The following OR7C2 variants were observed in gnomAD, a reference collection of about 807,000 sequenced individuals.
OR7C2 encodes olfactory receptor 7C2.
For synonymous variants in OR7C2, 160 were observed against 157.7 expected, an observed-to-expected ratio of 1.01 and a Z score of -0.11; for missense variants, 374 against 387.4, an observed-to-expected ratio of 0.97 and a Z score of 0.29.
chr19:14,941,791 AT>A lies in OR7C2; in HGVS notation c.311del (p.Phe104SerfsTer12), dbSNP rs1392370943. 4.3e-6 allele frequency: 7 copies of A among 1,613,640 alleles called. No homozygotes were observed. The highest frequency in any genetic ancestry group is 2.2e-5 in the East Asian group (1 of 44,882). ...ITFAGCLTQI[F>X]FFIAFGCLDN... The stretch of plus-strand genomic sequence containing the variant: ...CTTTTGCAGGCTGCCTCACTCAGAT[AT>A]TTTTTTTCATTGCATTTGGATGCCT... On this transcript the variant is annotated frameshift_variant, in exon 1 of 1. Coordinates refer to ENST00000248072, the MANE Select transcript of OR7C2 (RefSeq NM_012377.1). LOFTEE classifies it low-confidence loss of function (END_TRUNC).
Position 14,942,213 on chromosome 19 carries a change from C to A in OR7C2, c.725C>A (p.Ser242Tyr). 6.2e-7 allele frequency: 1 copy of A among 1,614,082 alleles called. No individual in the cohort carries two copies. The highest frequency in any genetic ancestry group is 8.5e-7 in the Non-Finnish European group (1 of 1,180,014). Reference protein sequence around the residue: ...GQHKAFSTCGSHLSVVSLFYG... With the variant: ...GQHKAFSTCGYHLSVVSLFYG... ...CACAAAGCCTTTTCCACCTGTGGTT[C>A]CCACCTCTCAGTGGTCAGCTTGTTC... Residue 242 changes from serine to tyrosine, a missense_variant, in exon 1 of 1, where the codon TCC becomes TAC. By Grantham distance (144) the Ser-to-Tyr change is moderately radical. Transcript: ENST00000248072.
In OR7C2 at chr19:14,941,790, T is replaced by C; in HGVS notation, c.302T>C (p.Ile101Thr). ...ACTTTTGCAGGCTGCCTCACTCAGA[T>C]ATTTTTTTTCATTGCATTTGGATGC... ...MITFAGCLTQ[I>T]FFFIAFGCLD... The change falls in exon 1 of 1, where the codon ATA (isoleucine) becomes ACA (threonine). Residue 101 changes from isoleucine to threonine, a missense_variant. Transcript: ENST00000248072. The C allele has an allele frequency of 2.5e-6, 4 of 1,614,154 alleles. No homozygotes were observed. The highest frequency in any genetic ancestry group is 3.4e-6 in the Non-Finnish European group (4 of 1,180,032).
rs1599966219 is a variant in OR7C2 at position 14,942,241 on chromosome 19, T to C, written c.753T>C (p.Tyr251=). ...GSHLSVVSLF[Y]GTGLGVYLSS... Reference sequence around the variant, plus strand: ...ACCTCTCAGTGGTCAGCTTGTTCTATGGCACTGGCCTTGGGGTCTATCTCA... The same window carrying C: ...ACCTCTCAGTGGTCAGCTTGTTCTACGGCACTGGCCTTGGGGTCTATCTCA... Residue 251 remains tyrosine (Y), a synonymous_variant, in exon 1 of 1, where the codon TAT becomes TAC. Transcript: ENST00000248072. 1 of 1,614,182 alleles carries C rather than the reference T, an allele frequency of 6.2e-7. No individual in the cohort carries two copies.
At position 14,941,763 on chromosome 19, in the gene OR7C2, T is replaced by A; in HGVS notation, c.275T>A (p.Ile92Asn). 6.2e-7 allele frequency: 1 copy of A among 1,614,172 alleles called. No homozygotes were observed. Among genetic ancestry groups the A allele is most frequent in the Non-Finnish European group, 8.5e-7 (1 of 1,180,030 alleles). Residue 92 changes from isoleucine to asparagine, a missense_variant, in exon 1 of 1, where the codon ATC (isoleucine) becomes AAC (asparagine). Physicochemically the swap from Ile to Asn is moderately radical, Grantham distance 149. Coordinates refer to ENST00000248072, the MANE Select transcript of OR7C2 (RefSeq NM_012377.1). ...AATATCCAAACACAAAGCAAAATGA[T>A]CACTTTTGCAGGCTGCCTCACTCAG... ...LVNIQTQSKM[I>N]TFAGCLTQIF... is the part of the protein sequence containing the mutation.
Position 14,941,780 on chromosome 19 carries a change from C to G in OR7C2, c.292C>G (p.Leu98Val), listed in dbSNP as rs777544313. Residue 98 changes from leucine (L) to valine (V), a missense_variant, in exon 1 of 1, where the codon CTC becomes GTC. Physicochemically the swap from Leu to Val is conservative, Grantham distance 32. Coordinates refer to ENST00000248072, the MANE Select transcript of OR7C2 (RefSeq NM_012377.1). ...QSKMITFAGC[L>V]TQIFFFIAFG... ...CAAAATGATCACTTTTGCAGGCTGC[C>G]TCACTCAGATATTTTTTTTCATTGC... 6.2e-7 allele frequency: 1 copy of G among 1,614,128 alleles called. No individual in the cohort carries two copies. Among genetic ancestry groups the G allele is most frequent in the South Asian group, 1.1e-5 (1 of 91,080 alleles).
Position 14,941,919 on chromosome 19 carries a change from T to C in OR7C2, c.431T>C (p.Leu144Pro). The change falls in exon 1 of 1, where the codon CTG becomes CCG. Residue 144 changes from leucine (L) to proline (P), a missense_variant. Coordinates refer to ENST00000248072, the MANE Select transcript of OR7C2 (RefSeq NM_012377.1). ...VIMNPRLCGL[L>P]VLGSWCISVM... ...ATGAACCCCCGGCTCTGTGGACTGCTGGTTCTGGGGTCCTGGTGCATCAGT... is the reference window on the plus strand; with the variant it reads ...ATGAACCCCCGGCTCTGTGGACTGCCGGTTCTGGGGTCCTGGTGCATCAGT... The C allele has an allele frequency of 1.9e-6, 3 of 1,614,188 alleles. No homozygotes were observed. Among genetic ancestry groups the C allele is most frequent in the Non-Finnish European group, 2.5e-6 (3 of 1,180,040 alleles).
Position 14,941,524 on chromosome 19 carries a change from T to G in OR7C2, c.36T>G (p.Phe12Leu), listed in dbSNP as rs373171699. 1.3e-6 allele frequency: 2 copies of G among 1,585,924 alleles called. No individual in the cohort carries two copies. The highest frequency in any genetic ancestry group is 2.7e-5 in the African/African-American group (2 of 74,242). ...ERGNQTEVGN[F>L]LLLGFAEDSD... ...GAAACCAAACAGAAGTTGGAAACTTTCTCCTCCTGGGATTCGCAGAGGACT... is the reference window on the plus strand; with the variant it reads ...GAAACCAAACAGAAGTTGGAAACTTGCTCCTCCTGGGATTCGCAGAGGACT... The change falls in exon 1 of 1, where the codon TTT becomes TTG. Residue 12 changes from phenylalanine (F) to leucine (L), a missense_variant. Coordinates refer to ENST00000248072, the MANE Select transcript of OR7C2 (RefSeq NM_012377.1).
chr19:14,941,886 C>T lies in OR7C2; in HGVS notation c.398C>T (p.Thr133Met), dbSNP rs146710554. 2.0e-5 allele frequency: 33 copies of T among 1,614,030 alleles called. No homozygotes were observed. The highest frequency in any genetic ancestry group is 1.2e-4 in the African/African-American group (9 of 74,904). ...FVAICYPLHY[T>M]VIMNPRLCGL... Reference sequence around the variant, plus strand: ...GCCATCTGTTACCCCCTGCACTACACGGTCATCATGAACCCCCGGCTCTGT... The same window carrying T: ...GCCATCTGTTACCCCCTGCACTACATGGTCATCATGAACCCCCGGCTCTGT... Residue 133 changes from threonine to methionine, a missense_variant, in exon 1 of 1, where the codon ACG becomes ATG. Physicochemically the swap from Thr to Met is moderately conservative, Grantham distance 81 (BLOSUM62 -1). Transcript: ENST00000248072.
Position 14,942,126 on chromosome 19 carries a change from G to C in OR7C2, c.638G>C (p.Gly213Ala). Residue 213 changes from glycine to alanine, a missense_variant, in exon 1 of 1, where the codon GGA (glycine) becomes GCA (alanine). Gly to Ala is a moderately conservative substitution (Grantham distance 60). Coordinates refer to ENST00000248072, the MANE Select transcript of OR7C2 (RefSeq NM_012377.1). ...TIVLGVFPLC[G>A]ILFSYSQIFS... ...GTCCTGGGTGTTTTTCCTCTCTGTG[G>C]AATCCTATTCTCTTATTCTCAGATT... 6.2e-7 allele frequency: 1 copy of C among 1,612,958 alleles called. No homozygotes were observed. The highest frequency in any genetic ancestry group is 8.5e-7 in the Non-Finnish European group (1 of 1,179,892).
chr19:14,941,594 C>G lies in OR7C2; in HGVS notation c.106C>G (p.Leu36Val). Reference sequence around the variant, plus strand: ...CCATGGGCTGTTCCTCTCCATGTACCTGGTTACCATCATCGGAAACCTGCT... The same window carrying G: ...CCATGGGCTGTTCCTCTCCATGTACGTGGTTACCATCATCGGAAACCTGCT... ...LLHGLFLSMY[L>V]VTIIGNLLII... The change falls in exon 1 of 1, where the codon CTG becomes GTG. Residue 36 changes from leucine (L) to valine (V), a missense_variant. Physicochemically the swap from Leu to Val is conservative, Grantham distance 32. Coordinates refer to ENST00000248072, the MANE Select transcript of OR7C2 (RefSeq NM_012377.1). The G allele has an allele frequency of 6.2e-7, 1 of 1,614,090 alleles. No homozygotes were observed. The highest frequency in any genetic ancestry group is 8.5e-7 in the Non-Finnish European group (1 of 1,180,018).
At position 14,942,430 on chromosome 19, in the gene OR7C2, C is replaced by A. The variant is rs923686563; in HGVS notation, c.942C>A (p.Thr314=). The A allele has an allele frequency of 5.0e-6, 8 of 1,611,306 alleles. No homozygotes were observed. The highest frequency in any genetic ancestry group is 5.1e-6 in the Non-Finnish European group (6 of 1,178,712). The part of the protein sequence containing the change: ...LLRATSLKEG[T]IAKLS ...GGGCAACGTCTCTCAAAGAGGGGAC[C>A]ATTGCTAAGCTCTCATGAATTGCAG... Residue 314 remains threonine (T), a synonymous_variant, in exon 1 of 1, where the codon ACC becomes ACA. Transcript: ENST00000248072.
Position 14,942,030 on chromosome 19 carries a change from C to A in OR7C2, c.542C>A (p.Pro181His). The change falls in exon 1 of 1, where the codon CCT becomes CAT. Residue 181 changes from proline (P) to histidine (H), a missense_variant. Transcript: ENST00000248072. ...GAAATTCCGCACTTTTTTTGTGATC[C>A]TTCCGAAGTCCTGAAGCTGGCCTGT... Reference protein sequence around the residue: ...NMEIPHFFCDPSEVLKLACSD... With the variant: ...NMEIPHFFCDHSEVLKLACSD... 1 of 1,614,114 alleles carries A rather than the reference C, an allele frequency of 6.2e-7. No individual in the cohort carries two copies. The highest frequency in any genetic ancestry group is 1.3e-5 in the African/African-American group (1 of 75,030).
Position 14,941,507 on chromosome 19 carries a change from A to G in OR7C2, c.19A>G (p.Thr7Ala), listed in dbSNP as rs372565547. Reference sequence around the variant, plus strand: ...CGGCCCCATGGAAAGAGGAAACCAAACAGAAGTTGGAAACTTTCTCCTCCT... The same window carrying G: ...CGGCCCCATGGAAAGAGGAAACCAAGCAGAAGTTGGAAACTTTCTCCTCCT... MERGNQ[T>A]EVGNFLLLGF... Residue 7 changes from threonine (T) to alanine (A), a missense_variant, in exon 1 of 1, where the codon ACA becomes GCA. Thr to Ala is a moderately conservative substitution (Grantham distance 58). Transcript: ENST00000248072. 10 of 1,572,146 alleles carry G rather than the reference A, an allele frequency of 6.4e-6. No homozygotes were observed. In the African/African-American group the frequency reaches 1.4e-4, roughly 21 times the overall value.
Position 14,942,036 on chromosome 19 carries a change from A to G in OR7C2, c.548A>G (p.Glu183Gly). 6.2e-7 allele frequency: 1 copy of G among 1,614,100 alleles called. No individual in the cohort carries two copies. The highest frequency in any genetic ancestry group is 1.7e-5 in the Admixed American group (1 of 60,018). The change falls in exon 1 of 1, where the codon GAA (glutamate) becomes GGA (glycine). Residue 183 changes from glutamate (E) to glycine (G), a missense_variant. Coordinates refer to ENST00000248072, the MANE Select transcript of OR7C2 (RefSeq NM_012377.1). ...EIPHFFCDPSEVLKLACSDTF... is the reference protein window; with the variant it reads ...EIPHFFCDPSGVLKLACSDTF... ...CCGCACTTTTTTTGTGATCCTTCCG[A>G]AGTCCTGAAGCTGGCCTGTTCTGAC...
rs138526680 is a variant in OR7C2 at position 14,941,590 on chromosome 19, G to T, written c.102G>T (p.Met34Ile). The T allele has an allele frequency of 6.2e-7, 1 of 1,614,032 alleles. No individual in the cohort carries two copies. The highest frequency in any genetic ancestry group is 1.1e-5 in the South Asian group (1 of 91,072). The part of the protein sequence containing the change: ...QLLLHGLFLS[M>I]YLVTIIGNLL... Reference sequence around the variant, plus strand: ...TCCTCCATGGGCTGTTCCTCTCCATGTACCTGGTTACCATCATCGGAAACC... The same window carrying T: ...TCCTCCATGGGCTGTTCCTCTCCATTTACCTGGTTACCATCATCGGAAACC... The change falls in exon 1 of 1, where the codon ATG (methionine) becomes ATT (isoleucine). Residue 34 changes from methionine (M) to isoleucine (I), a missense_variant. By Grantham distance (10) the Met-to-Ile change is conservative (BLOSUM62 1). Transcript: ENST00000248072.
rs2045352666 is a variant in OR7C2 at position 14,941,851 on chromosome 19, C to T, written c.363C>T (p.Asp121=). The change falls in exon 1 of 1, where the codon GAC becomes GAT. Residue 121 remains aspartate, a synonymous_variant. Transcript: ENST00000248072. ...TGCTCCTGACCATGACGGCCTATGA[C>T]CGCTTCGTGGCCATCTGTTACCCCC... ...DNLLLTMTAY[D]RFVAICYPLH... is the part of the protein sequence containing the mutation. 6.2e-7 allele frequency: 1 copy of T among 1,614,084 alleles called. No individual in the cohort carries two copies. The highest frequency in any genetic ancestry group is 8.5e-7 in the Non-Finnish European group (1 of 1,180,028).
In OR7C2 at chr19:14,941,670, T is replaced by C; in HGVS notation, c.182T>C (p.Phe61Ser). 1 of 1,614,130 alleles carries C rather than the reference T, an allele frequency of 6.2e-7. No individual in the cohort carries two copies. Among genetic ancestry groups the C allele is most frequent in the Non-Finnish European group, 8.5e-7 (1 of 1,180,028 alleles). ...SDSHLHTPMY[F>S]FLSNLSFADI... ...TCCCACCTCCACACCCCCATGTACT[T>C]CTTCCTCTCCAACCTGTCCTTTGCT... is the stretch of plus-strand genomic sequence containing the variant. The change falls in exon 1 of 1, where the codon TTC (phenylalanine) becomes TCC (serine). Residue 61 changes from phenylalanine (F) to serine (S), a missense_variant. Phe to Ser is a radical substitution (Grantham distance 155, BLOSUM62 -2). Coordinates refer to ENST00000248072, the MANE Select transcript of OR7C2 (RefSeq NM_012377.1).
chr19:14,942,052 C>T lies in OR7C2; in HGVS notation c.564C>T (p.Ala188=). The T allele has an allele frequency of 6.2e-7, 1 of 1,614,142 alleles. No individual in the cohort carries two copies. Residue 188 remains alanine (A), a synonymous_variant, in exon 1 of 1, where the codon GCC becomes GCT. Coordinates refer to ENST00000248072, the MANE Select transcript of OR7C2 (RefSeq NM_012377.1). ...ATCCTTCCGAAGTCCTGAAGCTGGC[C>T]TGTTCTGACACCTTCATCAATAACA... ...FCDPSEVLKL[A]CSDTFINNIV... is the part of the protein sequence containing the mutation.
rs139292882 is a variant in OR7C2, at chr19:14,942,328, C to T, written c.840C>T (p.Val280=). 6.2e-7 allele frequency: 1 copy of T among 1,614,052 alleles called. No individual in the cohort carries two copies. Residue 280 remains valine (V), a synonymous_variant, in exon 1 of 1, where the codon GTC becomes GTT. Coordinates refer to ENST00000248072, the MANE Select transcript of OR7C2 (RefSeq NM_012377.1). ...CAGCCTCGGTGATGTACACCATGGTCACCCCCATGCTGAACCCCTTCATCT... is the reference window on the plus strand; with the variant it reads ...CAGCCTCGGTGATGTACACCATGGTTACCCCCATGCTGAACCCCTTCATCT... ...SLAASVMYTM[V]TPMLNPFIYS...
Sources: allele counts gnomAD v4.1 joint callset, GRCh38; gene constraint gnomAD v4.1.1; transcripts MANE v1.5; gene names NCBI Gene and HGNC (gene_info 2026-07-23, HGNC 2026-07-21).